The following CLASP2 variants were observed in gnomAD, a reference collection of about 807,000 sequenced individuals.
CLASP2 encodes CLIP-associating protein 2.
A neutral mutation model predicts 194.4 loss-of-function variants in CLASP2; 47 were observed. The observed-to-expected ratio is 0.24, with a 90% CI of 0.19 to 0.31. CLASP2 has a LOEUF of 0.31. Among genes scored for constraint, CLASP2 ranks in the 10% least tolerant of loss-of-function variants. CLASP2 has a pLI of 1.00. For missense variants in CLASP2, 1,445 were observed against 1,823.6 expected (o/e 0.79, Z 3.78); for synonymous variants, 619 against 633.5 (o/e 0.98, Z 0.34).
intron 18 of CLASP2, among the ~76,000 whole-genome samples, chr3:33,598,804 A>C (rs551359680): frequency 8.5e-5 from 13 of 152,256 alleles, no homozygotes; most frequent in South Asian, 2.1e-4. Flanking sequence ...CAATTCCATA[A>C]ACTCAATTGT....
rs141077299 is a variant in CLASP2 at position 33,575,827 on chromosome 3, C to A, written c.2454+342G>T. ...CCCAAAGTAAAATAATTCCTAAATA[C>A]CAAAGTTTAAGCTAGAGTTGAAATT... On this transcript the variant is annotated intron_variant, in intron 24 of 38. Coordinates refer to ENST00000682230, the MANE Select transcript of CLASP2 (RefSeq NM_001365631.1). Among the ~76,000 whole-genome samples, 801 of 151,960 alleles carry A rather than the reference C, an allele frequency of 5.3e-3. 26 individuals carry two copies. Among genetic ancestry groups the A allele is most frequent in the Admixed American group, 0.04 (615 of 15,268 alleles).
chr3:33,497,297 T>G lies in CLASP2; in HGVS notation c.*1334A>C, dbSNP rs1167896179. ...GCTTCCCTAATAGCTATTTGCCTTT[T>G]CAATCAAATTCACTTTATATTAGGA... On this transcript the variant is annotated 3_prime_UTR_variant, in exon 39 of 39. Coordinates refer to ENST00000682230, the MANE Select transcript of CLASP2 (RefSeq NM_001365631.1). The G allele has an allele frequency of 6.6e-6, 1 of 152,590 alleles. No individual in the cohort carries two copies. Among genetic ancestry groups the G allele is most frequent in the Non-Finnish European group, 1.5e-5 (1 of 68,014 alleles). The allele number at this position is 152,590 out of a possible 1,614,324, so 9.5% of individuals were successfully genotyped here.
At chr3:33,697,316 A>G (rs1186912482) in intron 1 of CLASP2, among the ~76,000 whole-genome samples, 1 of 152,242 alleles carries the variant, frequency 6.6e-6, no homozygotes, top group African/African-American at 2.4e-5. Flanking sequence ...ATTTACACCT[A>G]GACAGTATAG....
chr3:33,517,790 G>C (rs990695360), intron 34 of CLASP2, among the ~76,000 whole-genome samples: 1 of 152,092 alleles, frequency 6.6e-6, no homozygotes, highest in South Asian at 2.1e-4. Flanking sequence ...AGCCTCCTGA[G>C]TAGGTGGGAC....
At chr3:33,610,455 G>C (rs1459119930) in intron 13 of CLASP2, among the ~76,000 whole-genome samples, 1 of 152,126 alleles carries the variant, frequency 6.6e-6, no homozygotes, top group East Asian at 1.9e-4. Context: ...TTTCTGCTTA[G>C]GTTGTACTCC....
intron 6 of CLASP2, among the ~76,000 whole-genome samples, chr3:33,665,550 C>G (rs573373347): frequency 2.0e-5 from 3 of 152,226 alleles, no homozygotes; most frequent in African/African-American, 7.2e-5. Context: ...TCTACTCTCT[C>G]TTCTCAGTCA....
At chr3:33,640,022 ATAATCT>A (rs893265367) in intron 8 of CLASP2, among the ~76,000 whole-genome samples, 4 of 152,114 alleles carry the variant, frequency 2.6e-5, no homozygotes, top group African/African-American at 9.7e-5. Context: ...TCTGGGTCAG[ATAATCT>A]TTAACGCCCC....
At chr3:33,506,603 C>G (rs2048299850) in intron 37 of CLASP2, among the ~76,000 whole-genome samples, 1 of 152,040 alleles carries the variant, frequency 6.6e-6, no homozygotes, top group Non-Finnish European at 1.5e-5. Context: ...TGGATCAATT[C>G]TTGGAGCTTC....
At chr3:33,538,988 A>T in intron 32 of CLASP2, 46 bp from the exon 33 acceptor site, 1 of 1,350,300 alleles carries the variant, frequency 7.4e-7, no homozygotes, top group South Asian at 1.5e-5. Flanking sequence ...TAGTTTTAAA[A>T]TACAAACACA....
At position 33,688,353 on chromosome 3, in the gene CLASP2, A is replaced by G. The variant is rs1187065405; in HGVS notation, c.394T>C (p.Leu132=). ...TTCTTGTGTTTAAAACCAGAAGCCA[A>G]CTGCTCCCAAATGTACTATTTGAAA... ...VAPPMYIWEQ[L]ASGFKHKNFR... Residue 132 remains leucine, a synonymous_variant, in exon 4 of 39, where the codon TTG becomes CTG. Coordinates refer to ENST00000682230, the MANE Select transcript of CLASP2 (RefSeq NM_001365631.1). The G allele has an allele frequency of 6.3e-7, 1 of 1,588,244 alleles. No homozygotes were observed. The highest frequency in any genetic ancestry group is 2.3e-5 in the East Asian group (1 of 44,086).
chr3:33,604,391 C>T lies in CLASP2; in HGVS notation c.1695-182G>A, dbSNP rs567529653. 6.6e-5 allele frequency among the ~76,000 whole-genome samples: 10 copies of T among 150,896 alleles called. No homozygotes were observed. In the South Asian group the frequency reaches 2.1e-3, roughly 32 times the overall value. On this transcript the variant is annotated intron_variant, in intron 16 of 38. Transcript: ENST00000682230. ...ACAGTGTAGTCCCATAATCATGGCT[C>T]ACTGCAGTCTTGACTTCCCAGACTC...
intron 37 of CLASP2, among the ~76,000 whole-genome samples, chr3:33,505,954 A>G (rs1237413665): frequency 6.6e-6 from 1 of 152,228 alleles, no homozygotes; most frequent in African/African-American, 2.4e-5. Context: ...TAAGCCAGAA[A>G]GTAATCTTTA....
intron 1 of CLASP2, among the ~76,000 whole-genome samples, chr3:33,697,168 C>T (rs1246455479): frequency 6.6e-6 from 1 of 152,124 alleles, no homozygotes; most frequent in East Asian, 1.9e-4. Context: ...GCATATTTGG[C>T]ACAATGCTAA....
At chr3:33,637,051 G>T (rs2080285213) in intron 8 of CLASP2, among the ~76,000 whole-genome samples, 1 of 152,164 alleles carries the variant, frequency 6.6e-6, no homozygotes, top group African/African-American at 2.4e-5. Flanking sequence ...TAGGTAAGCT[G>T]ACTAAAAGGA....
intron 11 of CLASP2, 31 bp downstream of exon 11, chr3:33,622,104 A>G (rs780754813): frequency 3.4e-6 from 5 of 1,490,210 alleles, no homozygotes; most frequent in South Asian, 1.4e-5. Context: ...TCATTCATAA[A>G]AAACACTTAT....
intron 7 of CLASP2, among the ~76,000 whole-genome samples, chr3:33,662,545 A>T (rs1164019068): frequency 6.6e-6 from 1 of 152,180 alleles, no homozygotes; most frequent in East Asian, 1.9e-4. Context: ...AATCTTTCTA[A>T]CACTCACTTA....
chr3:33,588,425 T>C (rs908215285), intron 21 of CLASP2, among the ~76,000 whole-genome samples: 1 of 152,232 alleles, frequency 6.6e-6, no homozygotes, highest in Non-Finnish European at 1.5e-5. Flanking sequence ...GTTTTCAAAC[T>C]ACCATTTTAT....
intron 1 of CLASP2, among the ~76,000 whole-genome samples, chr3:33,716,217 G>A (rs1398173435): frequency 6.6e-6 from 1 of 152,202 alleles, no homozygotes; most frequent in Admixed American, 6.5e-5. Flanking sequence ...TGCTGAAATT[G>A]TCTTGGGCTA....
chr3:33,661,012 T>G (rs1343039041), intron 7 of CLASP2, among the ~76,000 whole-genome samples: 2 of 152,228 alleles, frequency 1.3e-5, no homozygotes, highest in African/African-American at 4.8e-5. Context: ...AAATTTGTTT[T>G]CAGTATTCAA....
Sources: allele counts gnomAD v4.1 joint callset (sites outside exome capture counted in the v4.1 genomes callset), GRCh38; gene constraint gnomAD v4.1.1; transcripts MANE v1.5; gene names NCBI Gene and HGNC (gene_info 2026-07-23, HGNC 2026-07-21).